The following SORBS2 variants were observed in gnomAD, a reference collection of about 807,000 sequenced individuals.
The protein encoded by SORBS2 is sorbin and SH3 domain containing 2, also known as sorbin and SH3 domain-containing protein 2.
SORBS2 carries 46 observed loss-of-function variants against 97.7 expected under a neutral mutation model. That is an observed-to-expected ratio of 0.47 (90% CI 0.37 to 0.60). The LOEUF (loss-of-function observed/expected upper bound fraction) is 0.60. Ranked by LOEUF, SORBS2 falls within the 20% of genes least tolerant of loss-of-function variation. SORBS2 has a pLI of 0.00. For synonymous variants in SORBS2, 476 were observed against 473.4 expected (o/e 1.01, Z -0.07); for missense variants, 1,316 against 1,282.3 (o/e 1.03, Z -0.40).
intron 12 of SORBS2, among the ~76,000 whole-genome samples, chr4:185,610,845 T>C (rs2096526193): frequency 6.6e-6 from 1 of 152,196 alleles, no homozygotes; most frequent in African/African-American, 2.4e-5. Context: ...ATTTTTTGAA[T>C]GTTGAGAAGT....
At chr4:185,618,834 T>C (rs1268047795) in intron 8 of SORBS2, among the ~76,000 whole-genome samples, 2 of 152,222 alleles carry the variant, frequency 1.3e-5, no homozygotes, top group African/African-American at 4.8e-5. Context: ...AGAAGGCTTA[T>C]TCACCATCAT....
At chr4:185,844,971 G>T (rs1375057094) in intron 1 of SORBS2, among the ~76,000 whole-genome samples, 2 of 152,116 alleles carry the variant, frequency 1.3e-5, no homozygotes, top group East Asian at 3.9e-4. Flanking sequence ...GAAGAATGGG[G>T]ATTGGCTGCT....
At chr4:185,808,225 T>C (rs1350583743) in intron 1 of SORBS2, among the ~76,000 whole-genome samples, 1 of 152,174 alleles carries the variant, frequency 6.6e-6, no homozygotes, top group African/African-American at 2.4e-5. Flanking sequence ...CTGGAATGAA[T>C]GCAATAATGT....
intron 1 of SORBS2, among the ~76,000 whole-genome samples, chr4:185,931,413 G>A (rs1263648123): frequency 6.6e-6 from 1 of 152,218 alleles, no homozygotes; most frequent in East Asian, 1.9e-4. Flanking sequence ...ACCACAAGGA[G>A]GTTTGTAGTT....
intron 1 of SORBS2, among the ~76,000 whole-genome samples, chr4:185,886,179 TA>T (rs1208314243): frequency 1.3e-5 from 2 of 152,162 alleles, no homozygotes; most frequent in African/African-American, 4.8e-5. Context: ...CAGAGAGGTT[TA>T]AATTCCTTGC....
At chr4:185,713,087 A>G (rs11941721) in intron 2 of SORBS2, among the ~76,000 whole-genome samples, 118,184 of 151,942 alleles carry the variant, frequency 0.78, 47,281 homozygotes, top group Non-Finnish European at 0.89. Flanking sequence ...GTCACCTCCC[A>G]TCTCCCCTCC....
At chr4:185,593,727 A>T in intron 13 of SORBS2, 159 bp downstream of exon 25, 3 of 599,688 alleles carry the variant, frequency 5.0e-6, no homozygotes, top group Middle Eastern at 2.6e-4. Context: ...GGTCACTGTC[A>T]TAAAAGATGG....
At chr4:185,616,240 T>C (rs2096624760) in intron 9 of SORBS2, among the ~76,000 whole-genome samples, 1 of 152,222 alleles carries the variant, frequency 6.6e-6, no homozygotes, top group Admixed American at 6.5e-5. Flanking sequence ...GAGAGATTTA[T>C]ACCTGATGGA....
chr4:185,688,311 A>G (rs2098012402), intron 2 of SORBS2, among the ~76,000 whole-genome samples: 1 of 152,134 alleles, frequency 6.6e-6, no homozygotes, highest in African/African-American at 2.4e-5. Context: ...ATGAAGATTT[A>G]AATAGGAATA....
chr4:185,691,053 C>T (rs2098084161), intron 2 of SORBS2, among the ~76,000 whole-genome samples: 1 of 152,120 alleles, frequency 6.6e-6, no homozygotes, highest in Admixed American at 6.5e-5. Flanking sequence ...GCACATGCCA[C>T]CACACCCAGC....
intron 4 of SORBS2, among the ~76,000 whole-genome samples, chr4:185,663,118 C>A (rs2097544742): frequency 6.6e-6 from 1 of 152,166 alleles, no homozygotes; most frequent in Non-Finnish European, 1.5e-5. Flanking sequence ...CTACCCACAG[C>A]ACAGTACTGA....
intron 2 of SORBS2, among the ~76,000 whole-genome samples, chr4:185,694,706 C>CTTTTTTTTTTTTTTTTTTTTTTTTTT (rs1200094039): frequency 8.0e-6 from 1 of 124,242 alleles, no homozygotes. Flanking sequence ...CCTTTTCTTT[C>CTTTTTTTTTTTTTTTTTTTTTTTTTT]TTTTCTTTTC....
chr4:185,656,536 G>A, intron 1 of SORBS2: 1 of 1,041,500 alleles, frequency 9.6e-7, no homozygotes, highest in Admixed American at 2.3e-5. Flanking sequence ...GCAGCTCTTG[G>A]CCACACCCCA....
chr4:185,606,173 C>T lies in SORBS2; in HGVS notation c.2796+5607G>A, dbSNP rs756595471. 1 of 985,402 alleles carries T rather than the reference C, an allele frequency of 1.0e-6. No homozygotes were observed. 61.0% of individuals were successfully genotyped at this position (985,402 alleles called of 1,614,324 possible). ...AATAGGACAAATTTCTGGGCATCAA[C>T]TTCCTCTTCTCTAAAGTGGGGATGA... On this transcript the variant is annotated intron_variant, in intron 12 of 14. Transcript: ENST00000418609. This position sits in a 1 kb window ranked among gnomAD's most constrained non-coding sequence, Gnocchi z 4.3.
chr4:185,666,092 G>A (rs1582220295), intron 4 of SORBS2: 2 of 1,289,768 alleles, frequency 1.6e-6, no homozygotes, highest in East Asian at 5.5e-5. Context: ...AAAGTGGCTC[G>A]GTTCAAAGGT....
At chr4:185,872,718 G>T (rs540479703) in intron 1 of SORBS2, among the ~76,000 whole-genome samples, 1 of 152,210 alleles carries the variant, frequency 6.6e-6, no homozygotes, top group African/African-American at 2.4e-5. Flanking sequence ...TGTGGTTGGG[G>T]AGAGGGAGAA....
chr4:185,947,523 A>C (rs540855013), intron 1 of SORBS2, among the ~76,000 whole-genome samples: 2 of 152,254 alleles, frequency 1.3e-5, no homozygotes, highest in South Asian at 4.1e-4. Context: ...CAACCTTCCA[A>C]TTGCCAGCTC....
intron 1 of SORBS2, among the ~76,000 whole-genome samples, chr4:185,834,774 C>T (rs896186131): frequency 6.6e-6 from 1 of 152,088 alleles, no homozygotes; most frequent in Admixed American, 6.5e-5. Flanking sequence ...AAAAAATAAT[C>T]ACGTTTTGCT....
At position 185,677,509 on chromosome 4, in the gene SORBS2, T is replaced by C. The variant is rs955368699; in HGVS notation, c.-46+914A>G. The C allele has an allele frequency of 4.5e-6, 7 of 1,551,638 alleles. No individual in the cohort carries two copies. In the Middle Eastern group the frequency reaches 5.0e-4, roughly 111 times the overall value. The stretch of plus-strand genomic sequence containing the variant: ...TACATAGTTCCCTGAAGAGGTTTTT[T>C]GTTAGCAAAGTACTCTGTACTGGAG... On this transcript the variant is annotated intron_variant, in intron 4 of 20. Coordinates refer to the SORBS2 transcript ENST00000284776.
Sources: allele counts gnomAD v4.1 joint callset (sites outside exome capture counted in the v4.1 genomes callset), GRCh38; gene constraint gnomAD v4.1.1; non-coding constraint Gnocchi (gnomAD v3.1); transcripts MANE v1.5; gene names NCBI Gene and HGNC (gene_info 2026-07-23, HGNC 2026-07-21).